Variants in OGDH observed in about 807,000 individuals in gnomAD.
OGDH encodes the protein oxoglutarate dehydrogenase.
A neutral mutation model predicts 116.6 loss-of-function variants in OGDH; 38 were observed. That is an observed-to-expected ratio of 0.33 (90% confidence interval 0.25 to 0.43). The LOEUF (loss-of-function observed/expected upper bound fraction) is 0.43, where lower values mean the gene tolerates loss of function less well. Among genes scored for constraint, OGDH ranks in the 20% least tolerant of loss-of-function variants. The pLI, the probability that OGDH is intolerant of heterozygous loss-of-function variation, is 1.00. For synonymous variants in OGDH, 488 were observed against 533.3 expected (o/e 0.92, Z 1.17); for missense variants, 825 against 1,357.2 (o/e 0.61, Z 6.16).
intron 2 of OGDH, among the ~76,000 whole-genome samples, 159 bp downstream of exon 2, chr7:44,624,724 C>G (rs1785137464): frequency 6.6e-6 from 1 of 152,086 alleles, no homozygotes. Context: ...AGCATAGCCC[C>G]AGCAGAAGCC....
chr7:44,629,104 T>A (rs1171112866), intron 2 of OGDH, among the ~76,000 whole-genome samples: 1 of 152,222 alleles, frequency 6.6e-6, no homozygotes, highest in Non-Finnish European at 1.5e-5. Context: ...TGATGACATC[T>A]TTATTTATGT....
chr7:44,708,233 C>T lies in OGDH; in HGVS notation c.*234C>T, dbSNP rs1789173369. ...GACTTCTGAGCAGTTTTCCAGGAGGCCGGGGGGAGCAGGAGGAGGAAAGGT... is the reference window on the plus strand; with the variant it reads ...GACTTCTGAGCAGTTTTCCAGGAGGTCGGGGGGAGCAGGAGGAGGAAAGGT... On this transcript the variant is annotated 3_prime_UTR_variant, in exon 23 of 23. Coordinates refer to ENST00000222673, the MANE Select transcript of OGDH (RefSeq NM_002541.4). The T allele has an allele frequency of 9.8e-6, 5 of 512,550 alleles. No individual in the cohort carries two copies. The South Asian group carries it at 1.3e-4, about 13-fold the overall frequency. 31.8% of individuals were successfully genotyped at this position (512,550 alleles called of 1,614,324 possible).
chr7:44,640,179 G>C (rs568601095), intron 2 of OGDH, among the ~76,000 whole-genome samples: 1 of 152,182 alleles, frequency 6.6e-6, no homozygotes, highest in African/African-American at 2.4e-5. Context: ...GCCCAGAAGC[G>C]CCCAGCTCTC....
chr7:44,699,675 C>G (rs1788744958), intron 18 of OGDH, among the ~76,000 whole-genome samples: 1 of 152,028 alleles, frequency 6.6e-6, no homozygotes, highest in African/African-American at 2.4e-5. Flanking sequence ...GTGTGTTAGG[C>G]CATTCTTGTG....
At position 44,694,681 on chromosome 7, in the gene OGDH, A is replaced by G. The variant is rs879155899; in HGVS notation, c.1668+105A>G. Reference sequence around the variant, plus strand: ...TCACTTTTGCCAGTTATGAGGATACACGTGAGAGGATGTGAAATATTTACA... The same window carrying G: ...TCACTTTTGCCAGTTATGAGGATACGCGTGAGAGGATGTGAAATATTTACA... On this transcript the variant is annotated intron_variant, in intron 12 of 22. Coordinates refer to ENST00000222673, the MANE Select transcript of OGDH (RefSeq NM_002541.4). The surrounding 1 kb of genome is among the most constrained non-coding windows in gnomAD (Gnocchi z 4.2). The G allele has an allele frequency of 5.5e-6, 7 of 1,264,458 alleles. No individual in the cohort carries two copies. The South Asian group carries it at 9.5e-5, about 17-fold the overall frequency. The allele number at this position is 1,264,458 out of a possible 1,614,324, so 78.3% of individuals were successfully genotyped here.
intron 1 of OGDH, among the ~76,000 whole-genome samples, chr7:44,607,073 C>T (rs1326375184): frequency 6.6e-6 from 1 of 152,204 alleles, no homozygotes; most frequent in Non-Finnish European, 1.5e-5. Context: ...GCGTCCTTCC[C>T]GACCGGGACG....
chr7:44,697,557 T>C lies in OGDH; in HGVS notation c.2180-47T>C, dbSNP rs1028083048. ...ACCCACCCACCCCCGCTGGGCCTAC[T>C]GGCTGGTGTCCTGGACATGGTTTTC... On this transcript the variant is annotated intron_variant, in intron 16 of 22. Coordinates refer to ENST00000222673, the MANE Select transcript of OGDH (RefSeq NM_002541.4). This position sits in a 1 kb window ranked among gnomAD's most constrained non-coding sequence, Gnocchi z 6.0. 3.1e-6 allele frequency: 5 copies of C among 1,613,654 alleles called. No individual in the cohort carries two copies. In the East Asian group the frequency reaches 6.7e-5, roughly 22 times the overall value.
At chr7:44,630,842 A>G (rs1020771565) in intron 2 of OGDH, among the ~76,000 whole-genome samples, 1 of 152,162 alleles carries the variant, frequency 6.6e-6, no homozygotes. Context: ...TCAGGGGAGG[A>G]TGGCTTTGCA....
chr7:44,610,296 T>G (rs1784512189), intron 1 of OGDH, among the ~76,000 whole-genome samples: 2 of 148,942 alleles, frequency 1.3e-5, no homozygotes, highest in Admixed American at 6.7e-5. Context: ...TTCATCTTGG[T>G]TTTTTTTTTG....
intron 4 of OGDH, among the ~76,000 whole-genome samples, chr7:44,664,811 A>C (rs1585317472): frequency 1.3e-5 from 2 of 152,232 alleles, no homozygotes; most frequent in East Asian, 3.8e-4. Flanking sequence ...AAGAACTAAA[A>C]GTGTACCAGC....
chr7:44,684,293 A>T (rs185464525), intron 10 of OGDH, among the ~76,000 whole-genome samples: 8 of 152,292 alleles, frequency 5.3e-5, no homozygotes, highest in Admixed American at 5.2e-4. Context: ...GGTTATAAAG[A>T]TGATTTGTTA....
chr7:44,675,860 A>G, intron 8 of OGDH, 110 bp from the exon 9 acceptor site: 1 of 1,141,862 alleles, frequency 8.8e-7, no homozygotes, highest in Non-Finnish European at 1.2e-6. Context: ...CTGGGCAACA[A>G]GAGCGAAACT....
At chr7:44,706,949 C>G (rs552151646) in intron 20 of OGDH, among the ~76,000 whole-genome samples, 3 of 152,254 alleles carry the variant, frequency 2.0e-5, no homozygotes, top group African/African-American at 7.2e-5. Context: ...TACTCTTGTC[C>G]CCGAAGTCTG....
At chr7:44,660,784 C>T (rs887471113) in intron 4 of OGDH, among the ~76,000 whole-genome samples, 1 of 152,062 alleles carries the variant, frequency 6.6e-6, no homozygotes, top group African/African-American at 2.4e-5. Context: ...CAAAATTAGC[C>T]AAGCATGATC....
chr7:44,636,724 T>G (rs1346409885), intron 2 of OGDH, among the ~76,000 whole-genome samples: 2 of 152,220 alleles, frequency 1.3e-5, no homozygotes, highest in Non-Finnish European at 2.9e-5. Flanking sequence ...TGTGGGAGCT[T>G]GGGGAGCAGT....
At position 44,630,547 on chromosome 7, in the gene OGDH, C is replaced by T. The variant is rs750022955; in HGVS notation, c.222+5982C>T. Among the ~76,000 whole-genome samples the T allele has an allele frequency of 5.9e-5, 9 of 152,176 alleles. No homozygotes were observed. The South Asian group carries it at 1.9e-3, about 32-fold the overall frequency. On this transcript the variant is annotated intron_variant, in intron 2 of 22. Transcript: ENST00000222673. ...TATGTTTGATTTATGAATGACTTATCAGAAATATATGTAGTCATTCCTTGG... is the reference window on the plus strand; with the variant it reads ...TATGTTTGATTTATGAATGACTTATTAGAAATATATGTAGTCATTCCTTGG...
chr7:44,637,986 C>T (rs1785749632), intron 2 of OGDH, among the ~76,000 whole-genome samples: 1 of 152,172 alleles, frequency 6.6e-6, no homozygotes, highest in South Asian at 2.1e-4. Flanking sequence ...GCACCCCTCC[C>T]CTGGCCCAGG....
At chr7:44,672,194 G>A (rs1320723599) in intron 5 of OGDH, among the ~76,000 whole-genome samples, 1 of 152,134 alleles carries the variant, frequency 6.6e-6, no homozygotes, top group Non-Finnish European at 1.5e-5. Flanking sequence ...AATAACTAGA[G>A]TATTGTGGTT....
At chr7:44,640,650 CACTT>C (rs1339569156) in intron 2 of OGDH, among the ~76,000 whole-genome samples, 1 of 152,062 alleles carries the variant, frequency 6.6e-6, no homozygotes, top group African/African-American at 2.4e-5. Context: ...TGTTTCTGGA[CACTT>C]AATGGGTTTT....
Sources: gnomAD v4.1 joint callset for allele counts (sites outside exome capture counted in the v4.1 genomes callset) on GRCh38, gnomAD v4.1.1 for gene constraint, Gnocchi (gnomAD v3.1) non-coding constraint, MANE v1.5 for transcripts, NCBI Gene and HGNC (gene_info 2026-07-23, HGNC 2026-07-21) for gene names.